The following CHD7 variants were observed in gnomAD, a reference collection of about 807,000 sequenced individuals.
CHD7 encodes the protein chromodomain helicase DNA binding protein 7, also known as ATP-dependent chromatin remodeler CHD7.
In CHD7, 24 loss-of-function variants were observed where a neutral mutation model predicts 307.3. The observed-to-expected ratio is 0.08, with a 90% CI of 0.06 to 0.11. The LOEUF is 0.11. Ranked by LOEUF, CHD7 falls within the 10% of genes least tolerant of loss-of-function variation. The probability of loss-of-function intolerance (pLI) is 1.00; values close to 1 mark genes in which losing one functional copy is unlikely to be tolerated. For missense variants in CHD7, 3,106 were observed against 3,727.1 expected, an observed-to-expected ratio of 0.83 and a Z score of 4.34; for synonymous variants, 1,363 against 1,349.9, an observed-to-expected ratio of 1.01 and a Z score of -0.21.
At chr8:60,690,176 A>T (rs1435266952) in intron 1 of CHD7, among the ~76,000 whole-genome samples, 1 of 138,554 alleles carries the variant, frequency 7.2e-6, no homozygotes, top group Non-Finnish European at 1.5e-5. Context: ...GAGTGGGTGG[A>T]TGTTCCTTTG....
chr8:60,695,813 G>C (rs1806439112), intron 1 of CHD7, among the ~76,000 whole-genome samples: 1 of 152,162 alleles, frequency 6.6e-6, no homozygotes, highest in Non-Finnish European at 1.5e-5. Flanking sequence ...AATTAGCCAA[G>C]ACTTAAAAAT....
intron 31 of CHD7, 117 bp downstream of exon 31, chr8:60,853,617 C>A: frequency 1.3e-6 from 1 of 766,384 alleles, no homozygotes; most frequent in Non-Finnish European, 2.0e-6. Context: ...ACATTTTCTT[C>A]TGTGAAGGGA....
intron 1 of CHD7, among the ~76,000 whole-genome samples, chr8:60,708,092 G>T (rs553263468): frequency 6.6e-6 from 1 of 152,326 alleles, no homozygotes; most frequent in South Asian, 2.1e-4. Context: ...AAGCAGCCAA[G>T]TTTTGTATTT....
At chr8:60,689,817 T>C (rs551698035) in intron 1 of CHD7, among the ~76,000 whole-genome samples, 17 of 152,366 alleles carry the variant, frequency 1.1e-4, no homozygotes, top group African/African-American at 3.6e-4. Flanking sequence ...TTTTCACTTA[T>C]CAGTCCAAGA....
At chr8:60,826,743 CGTT>C (rs1804268864) in intron 13 of CHD7, among the ~76,000 whole-genome samples, 1 of 152,194 alleles carries the variant, frequency 6.6e-6, no homozygotes, top group Non-Finnish European at 1.5e-5. Flanking sequence ...GCAACCATCT[CGTT>C]GTCCCCCATC....
intron 1 of CHD7, among the ~76,000 whole-genome samples, chr8:60,690,858 C>T (rs368523312): frequency 4.1e-4 from 63 of 152,266 alleles, no homozygotes; most frequent in Admixed American, 3.0e-3. Context: ...TGACAGTCGC[C>T]GACTCCCTGT....
At chr8:60,860,299 A>G (rs1381363127) in intron 34 of CHD7, among the ~76,000 whole-genome samples, 2 of 152,232 alleles carry the variant, frequency 1.3e-5, no homozygotes, top group Non-Finnish European at 2.9e-5. Context: ...ATATCAGCTC[A>G]GACTATACCC....
chr8:60,806,791 C>A (rs982357645), intron 6 of CHD7, among the ~76,000 whole-genome samples: 1 of 152,052 alleles, frequency 6.6e-6, no homozygotes, highest in African/African-American at 2.4e-5. Flanking sequence ...TTGCTTGAGC[C>A]TAAGAGTTTG....
In CHD7 at chr8:60,830,556, A is replaced by C; in HGVS notation, c.3757A>C (p.Asn1253His). 6.2e-7 allele frequency: 1 copy of C among 1,613,978 alleles called. No individual in the cohort carries two copies. The highest frequency in any genetic ancestry group is 8.5e-7 in the Non-Finnish European group (1 of 1,179,838). Residue 1253 changes from asparagine (N) to histidine (H), a missense_variant, in exon 15 of 38, where the codon AAT becomes CAT. By Grantham distance (68) the Asn-to-His change is moderately conservative. Coordinates refer to ENST00000423902, the MANE Select transcript of CHD7 (RefSeq NM_017780.4). ...NTMMELRKCCNHPYLINGAEE... is the reference protein window; with the variant it reads ...NTMMELRKCCHHPYLINGAEE... ...TATGATGGAATTGCGGAAGTGCTGC[A>C]ATCATCCGTACCTTATCAATGGTAA...
chr8:60,853,508 CTT>C lies in CHD7; in HGVS notation c.6775+9_6775+10del. On this transcript the variant is annotated intron_variant, in intron 31 of 37. Coordinates refer to ENST00000423902, the MANE Select transcript of CHD7 (RefSeq NM_017780.4). Reference sequence around the variant, plus strand: ...AGTCTTCCCAGCCCGAAGGTAAGGCCTTACCACTGGCCCCTCTCCTGACCCTG... The same window carrying C: ...AGTCTTCCCAGCCCGAAGGTAAGGCCACCACTGGCCCCTCTCCTGACCCTG... 6.6e-7 allele frequency: 1 copy of C among 1,507,180 alleles called. No individual in the cohort carries two copies. The highest frequency in any genetic ancestry group is 1.4e-5 in the South Asian group (1 of 71,388). The allele number at this position is 1,507,180 out of a possible 1,614,324, so 93.4% of individuals were successfully genotyped here. A position where few individuals can be genotyped will look rare whatever the true frequency, so the allele number is the denominator to read the frequency against.
intron 4 of CHD7, among the ~76,000 whole-genome samples, chr8:60,797,919 T>C: frequency 6.6e-6 from 1 of 152,356 alleles, no homozygotes; most frequent in Non-Finnish European, 1.5e-5. Context: ...TGATTAATGA[T>C]GACTTTAGTC....
chr8:60,702,385 T>C (rs758835988), intron 1 of CHD7, among the ~76,000 whole-genome samples: 3 of 152,248 alleles, frequency 2.0e-5, no homozygotes, highest in Non-Finnish European at 4.4e-5. Context: ...CTTTTTACTT[T>C]GGTGTAAATA....
At chr8:60,846,954 C>T (rs1805235231) in intron 23 of CHD7, among the ~76,000 whole-genome samples, 1 of 152,178 alleles carries the variant, frequency 6.6e-6, no homozygotes, top group South Asian at 2.1e-4. Flanking sequence ...ACCTCCAACC[C>T]TTTTGGTATC....
rs1805345835 is a variant in CHD7, at chr8:60,849,201, C to G, written c.5404+47C>G. The G allele has an allele frequency of 3.2e-6, 4 of 1,232,460 alleles. No individual in the cohort carries two copies. The East Asian group carries it at 7.0e-5, about 22-fold the overall frequency. The allele number at this position is 1,232,460 out of a possible 1,614,324, so 76.3% of individuals were successfully genotyped here. A position where few individuals can be genotyped will look rare whatever the true frequency, so the allele number is the denominator to read the frequency against. The stretch of plus-strand genomic sequence containing the variant: ...ATACATCTCAACTGTATGGCTTGGT[C>G]TTTATTTAGAACTCTTTACATACTC... On this transcript the variant is annotated intron_variant, in intron 25 of 37. Transcript: ENST00000423902.
chr8:60,792,340 ATAACT>A (rs376464288), intron 3 of CHD7, among the ~76,000 whole-genome samples: 1 of 152,350 alleles, frequency 6.6e-6, no homozygotes, highest in African/African-American at 2.4e-5. Context: ...TTTAATTTAC[ATAACT>A]TAATTTTGTC....
intron 23 of CHD7, among the ~76,000 whole-genome samples, chr8:60,848,004 AC>A (rs1402093839): frequency 2.0e-5 from 3 of 152,022 alleles, no homozygotes; most frequent in African/African-American, 7.3e-5. Flanking sequence ...AATCTGAAAA[AC>A]CTGACATTCC....
intron 1 of CHD7, among the ~76,000 whole-genome samples, chr8:60,688,036 CT>C (rs1290976656): frequency 6.6e-6 from 1 of 152,186 alleles, no homozygotes; most frequent in Non-Finnish European, 1.5e-5. Flanking sequence ...TTTTTCTGTA[CT>C]TCCTCTGTTG....
intron 2 of CHD7, among the ~76,000 whole-genome samples, chr8:60,749,010 A>G (rs1809485486): frequency 6.6e-6 from 1 of 151,868 alleles, no homozygotes; most frequent in Admixed American, 6.6e-5. Flanking sequence ...TTTCAGGGAA[A>G]ACCTTTTATT....
chr8:60,726,457 A>G (rs567051373), intron 1 of CHD7, among the ~76,000 whole-genome samples: 96 of 152,378 alleles, frequency 6.3e-4, no homozygotes, highest in African/African-American at 1.9e-3. Context: ...ATGAAAAAGA[A>G]TGCTTTCGAA....
Sources: allele counts gnomAD v4.1 joint callset (sites outside exome capture counted in the v4.1 genomes callset), GRCh38; gene constraint gnomAD v4.1.1; transcripts MANE v1.5; gene names NCBI Gene and HGNC (gene_info 2026-07-23, HGNC 2026-07-21).